Variants in KYNU observed in about 807,000 individuals in gnomAD.
KYNU encodes the protein kynureninase.
KYNU carries 54 observed loss-of-function variants against 59.2 expected under a neutral mutation model. The observed-to-expected ratio is 0.91, with a 90% CI of 0.73 to 1.14. The LOEUF (loss-of-function observed/expected upper bound fraction) is 1.14. KYNU is among the 50% of genes most tolerant of loss of function. The pLI is 0.00. For missense variants in KYNU, 567 were observed against 554.4 expected (o/e 1.02, Z -0.23); for synonymous variants, 177 against 192.0 (o/e 0.92, Z 0.65).
At chr2:142,986,164 C>A in intron 10 of KYNU, 143 bp downstream of exon 10, 1 of 630,294 alleles carries the variant, frequency 1.6e-6, no homozygotes, top group South Asian at 1.9e-5. Flanking sequence ...CTGCTAACAA[C>A]AATATACTTC....
intron 1 of KYNU, among the ~76,000 whole-genome samples, chr2:142,880,653 T>C (rs559649570): frequency 6.6e-6 from 1 of 152,242 alleles, no homozygotes; most frequent in South Asian, 2.1e-4. Context: ...CTGAAAGAAT[T>C]TGATTATGTA....
intron 10 of KYNU, among the ~76,000 whole-genome samples, chr2:143,017,942 T>A (rs352930): frequency 0.36 from 53,948 of 149,588 alleles, 10,866 homozygotes; most frequent in African/African-American, 0.52. Flanking sequence ...CTTAAGTTCA[T>A]TTCTTTTGAG....
chr2:142,950,614 A>G (rs1683957845), intron 4 of KYNU, among the ~76,000 whole-genome samples: 1 of 152,190 alleles, frequency 6.6e-6, no homozygotes, highest in African/African-American at 2.4e-5. Context: ...ACGTCCCGCC[A>G]GGTCCCTCCC....
intron 2 of KYNU, among the ~76,000 whole-genome samples, chr2:142,916,687 C>G (rs915817442): frequency 2.0e-5 from 3 of 152,170 alleles, no homozygotes; most frequent in South Asian, 2.1e-4. Context: ...CACCTTACCC[C>G]CCTTTTCCTC....
chr2:142,998,704 T>C (rs1173141209), intron 10 of KYNU, among the ~76,000 whole-genome samples: 11 of 152,014 alleles, frequency 7.2e-5, no homozygotes, highest in Admixed American at 7.2e-4. Flanking sequence ...GGACATTGTA[T>C]ATACTAAAAA....
intron 12 of KYNU, among the ~76,000 whole-genome samples, chr2:143,038,189 T>C (rs1027476195): frequency 2.6e-5 from 4 of 152,198 alleles, no homozygotes. Flanking sequence ...CCCATGTACA[T>C]ATTAGGGCAC....
intron 10 of KYNU, among the ~76,000 whole-genome samples, chr2:143,015,627 T>C (rs938337323): frequency 6.6e-6 from 1 of 152,152 alleles, no homozygotes; most frequent in East Asian, 1.9e-4. Flanking sequence ...ACATTCCTTC[T>C]TTCTTCCTGG....
chr2:143,041,985 A>G, intron 13 of KYNU, 62 bp from the exon 14 acceptor site: 1 of 1,554,012 alleles, frequency 6.4e-7, no homozygotes, highest in Admixed American at 1.7e-5. Context: ...GTTTATCTGG[A>G]ATGTAGATTT....
chr2:142,952,483 C>G (rs1684025544), intron 4 of KYNU, among the ~76,000 whole-genome samples: 1 of 151,990 alleles, frequency 6.6e-6, no homozygotes, highest in African/African-American at 2.4e-5. Context: ...CACTCTGTCA[C>G]CCAGGCTAGA....
intron 4 of KYNU, among the ~76,000 whole-genome samples, chr2:142,950,692 CT>C (rs1214568482): frequency 6.6e-6 from 1 of 152,164 alleles, no homozygotes; most frequent in Admixed American, 6.5e-5. Context: ...GGCTGTTGGT[CT>C]TTCTTATTGT....
chr2:142,927,644 C>A lies in KYNU; in HGVS notation c.291-15C>A. 1 of 1,597,220 alleles carries A rather than the reference C, an allele frequency of 6.3e-7. No homozygotes were observed. Reference sequence around the variant, plus strand: ...ATAAAAGCTAAGATATGTTTATGTCCGTTTTCAATTTCAGAGCAGCCTATG... The same window carrying A: ...ATAAAAGCTAAGATATGTTTATGTCAGTTTTCAATTTCAGAGCAGCCTATG... On this transcript the variant is annotated splice_polypyrimidine_tract_variant and intron_variant, in intron 3 of 13. Coordinates refer to ENST00000264170, the MANE Select transcript of KYNU (RefSeq NM_003937.3).
intron 10 of KYNU, among the ~76,000 whole-genome samples, chr2:143,012,648 C>T (rs1033349375): frequency 2.0e-5 from 3 of 152,068 alleles, no homozygotes; most frequent in African/African-American, 4.8e-5. Flanking sequence ...AGTAAAAGGT[C>T]GCTGTAGTGA....
At chr2:142,905,658 T>C (rs1313082745) in intron 2 of KYNU, among the ~76,000 whole-genome samples, 1 of 152,252 alleles carries the variant, frequency 6.6e-6, no homozygotes, top group Non-Finnish European at 1.5e-5. Flanking sequence ...TCTGAACTGG[T>C]TATGTGTGCT....
chr2:142,927,867 T>G (rs1683094354), intron 4 of KYNU, 126 bp downstream of exon 4: 1 of 695,168 alleles, frequency 1.4e-6, no homozygotes, highest in South Asian at 1.8e-5. Context: ...TAATCTATAA[T>G]AGTAAAAAGG....
In KYNU at chr2:143,042,187, A is replaced by G; in HGVS notation, c.*15A>G. 6.2e-7 allele frequency: 1 copy of G among 1,606,220 alleles called. No individual in the cohort carries two copies. The highest frequency in any genetic ancestry group is 8.5e-7 in the Non-Finnish European group (1 of 1,176,984). ...CAAAAAATTAGCAGTGTTTTCTAGA[A>G]CAACTTAAGCAAATTATACTGAAAG... On this transcript the variant is annotated 3_prime_UTR_variant, in exon 14 of 14. Coordinates refer to ENST00000264170, the MANE Select transcript of KYNU (RefSeq NM_003937.3).
intron 10 of KYNU, chr2:142,989,761 G>A (rs1231733865): frequency 6.6e-6 from 1 of 152,586 alleles, no homozygotes; most frequent in African/African-American, 2.4e-5. Flanking sequence ...AGTTCATGAA[G>A]GCTGGTCTAA....
chr2:142,912,382 T>C (rs1189215291), intron 2 of KYNU, among the ~76,000 whole-genome samples: 4 of 131,770 alleles, frequency 3.0e-5, no homozygotes, highest in Non-Finnish European at 4.8e-5. Context: ...TTTTTTTTTT[T>C]TTTTTTTTTT....
intron 4 of KYNU, among the ~76,000 whole-genome samples, chr2:142,938,981 G>A (rs968800923): frequency 6.6e-6 from 1 of 151,562 alleles, no homozygotes; most frequent in Non-Finnish European, 1.5e-5. Flanking sequence ...AAATAAATAA[G>A]TAAAATAAAT....
At chr2:142,980,941 T>C (rs1362766716) in intron 8 of KYNU, among the ~76,000 whole-genome samples, 1 of 152,162 alleles carries the variant, frequency 6.6e-6, no homozygotes, top group African/African-American at 2.4e-5. Context: ...AGAAAGGTTT[T>C]GGAGAACCAT....
Sources: allele counts gnomAD v4.1 joint callset (sites outside exome capture counted in the v4.1 genomes callset), GRCh38; gene constraint gnomAD v4.1.1; transcripts MANE v1.5; gene names NCBI Gene and HGNC (gene_info 2026-07-23, HGNC 2026-07-21).